TOGARAM2: variants seen among roughly 807,000 people sequenced by gnomAD.
TOGARAM2 encodes TOG array regulator of axonemal microtubules protein 2.
In TOGARAM2, 85 loss-of-function variants were observed where a neutral mutation model predicts 93.3. The ratio of observed to expected loss-of-function variants is 0.91; its 90% CI spans 0.76 to 1.09. The LOEUF is 1.09. TOGARAM2 is among the 50% of genes least tolerant of loss of function. TOGARAM2 has a pLI of 0.00. For missense variants in TOGARAM2, 1,277 were observed against 1,334.5 expected (o/e 0.96, Z 0.67); for synonymous variants, 593 against 552.8 (o/e 1.07, Z -1.02).
At chr2:29,006,494 AGT>A in intron 6 of TOGARAM2, among the ~76,000 whole-genome samples, 1 of 151,446 alleles carries the variant, frequency 6.6e-6, no homozygotes, top group South Asian at 2.1e-4. Flanking sequence ...ATGTGTGTGG[AGT>A]GTGTGTGCGT....
At chr2:29,042,798 G>A (rs1666513797) in intron 18 of TOGARAM2, among the ~76,000 whole-genome samples, 1 of 152,182 alleles carries the variant, frequency 6.6e-6, no homozygotes, top group African/African-American at 2.4e-5. Flanking sequence ...TCTCTCTCTG[G>A]GCACACACAA....
rs769705930 is a variant in TOGARAM2 at position 29,036,524 on chromosome 2, TTC to T, written c.2419-15_2419-14del. 6.2e-7 allele frequency: 1 copy of T among 1,613,432 alleles called. No homozygotes were observed. Among genetic ancestry groups the T allele is most frequent in the Non-Finnish European group, 8.5e-7 (1 of 1,179,590 alleles). ...GCCTGGGTTCCCATGGGCTCTTGGTTTCTGTTTCTTCAATAGGTCTTTGATGC... is the reference window on the plus strand; with the variant it reads ...GCCTGGGTTCCCATGGGCTCTTGGTTTGTTTCTTCAATAGGTCTTTGATGC... On this transcript the variant is annotated splice_polypyrimidine_tract_variant and intron_variant, in intron 17 of 19. Transcript: ENST00000379558.
At chr2:28,963,711 A>G (rs1019480988) in intron 1 of TOGARAM2, among the ~76,000 whole-genome samples, 2 of 152,188 alleles carry the variant, frequency 1.3e-5, no homozygotes, top group Admixed American at 1.3e-4. Flanking sequence ...ATGTACTTGA[A>G]AAGAATGTGT....
Position 29,014,386 on chromosome 2 carries a change from AC to A in TOGARAM2, c.878-5del. 1 of 1,609,104 alleles carries A rather than the reference AC, an allele frequency of 6.2e-7. No homozygotes were observed. The highest frequency in any genetic ancestry group is 2.2e-5 in the East Asian group (1 of 44,714). On this transcript the variant is annotated splice_region_variant and splice_polypyrimidine_tract_variant and intron_variant, in intron 7 of 19. Coordinates refer to ENST00000379558, the MANE Select transcript of TOGARAM2 (RefSeq NM_199280.4). ...GTCTTCAGCTCCACCCCTGTTCTCA[AC>A]CCCTCAGAGCCAAAACCTTTGGCCT...
intron 1 of TOGARAM2, among the ~76,000 whole-genome samples, chr2:28,964,275 C>A (rs920261808): frequency 5.3e-5 from 8 of 152,052 alleles, no homozygotes; most frequent in Non-Finnish European, 1.2e-4. Flanking sequence ...GATGAATTGA[C>A]CCTTTTGACA....
chr2:28,974,786 G>GTAT (rs201706650), intron 1 of TOGARAM2, among the ~76,000 whole-genome samples: 45 of 145,150 alleles, frequency 3.1e-4, no homozygotes, highest in African/African-American at 7.8e-4. Flanking sequence ...GCTAATTTTT[G>GTAT]TATTATTATT....
upstream of TOGARAM2, among the ~76,000 whole-genome samples, chr2:28,977,267 C>G (rs1036445302): frequency 6.6e-6 from 1 of 152,202 alleles, no homozygotes; most frequent in African/African-American, 2.4e-5. Flanking sequence ...CCTATGCTAA[C>G]CATCTTTAGC....
chr2:29,045,859 A>T (rs1297843313), intron 19 of TOGARAM2: 1 of 254,148 alleles, frequency 3.9e-6, no homozygotes, highest in East Asian at 1.2e-4. Flanking sequence ...TAGATAAGGG[A>T]CACTCAACCT....
rs751999952 is a variant in TOGARAM2 at position 29,011,467 on chromosome 2, G to A, written c.843G>A (p.Gly281=). 8.7e-6 allele frequency: 14 copies of A among 1,609,146 alleles called. 1 individual carries two copies. The highest frequency in any genetic ancestry group is 7.7e-5 in the South Asian group (7 of 90,382). The change falls in exon 7 of 20, where the codon GGG becomes GGA. Residue 281 remains glycine (G), a synonymous_variant. Coordinates refer to ENST00000379558, the MANE Select transcript of TOGARAM2 (RefSeq NM_199280.4). ...CCGTTCTTTTAAGATTGGCTCGGGG[G>A]AGTGGGCCTCGGGAGAAGACCCCTG... ...LRAPRTRLAR[G]SGPREKTPAS...
At chr2:29,017,452 G>A (rs1186273762) in intron 9 of TOGARAM2, 148 bp downstream of exon 9, 5 of 869,818 alleles carry the variant, frequency 5.7e-6, no homozygotes, top group African/African-American at 1.7e-5. Context: ...TGTGGCCCAG[G>A]CTAAAGGGCA....
At chr2:28,982,717 C>G (rs984867724) in intron 1 of TOGARAM2, among the ~76,000 whole-genome samples, 1 of 152,220 alleles carries the variant, frequency 6.6e-6, no homozygotes, top group African/African-American at 2.4e-5. Context: ...GCACCAGACT[C>G]TGCTCACTAG....
intron 18 of TOGARAM2, among the ~76,000 whole-genome samples, chr2:29,039,706 G>A (rs1430332708): frequency 1.3e-5 from 2 of 152,186 alleles, no homozygotes; most frequent in Non-Finnish European, 2.9e-5. Flanking sequence ...TGCCAGCCTT[G>A]AGGCCTCTCT....
At chr2:28,994,930 C>A in intron 2 of TOGARAM2, 68 bp downstream of exon 2, 2 of 1,530,490 alleles carry the variant, frequency 1.3e-6, no homozygotes, top group South Asian at 1.2e-5. Context: ...CGGACACTCC[C>A]AAGGGCCAGA....
chr2:29,045,790 A>G (rs1572794721), intron 19 of TOGARAM2: 1 of 271,616 alleles, frequency 3.7e-6, no homozygotes, highest in East Asian at 1.1e-4. Context: ...CAGAACTGGT[A>G]TCATGAAAAT....
chr2:29,044,193 C>T (rs890168648), intron 18 of TOGARAM2, among the ~76,000 whole-genome samples: 10 of 152,112 alleles, frequency 6.6e-5, no homozygotes, highest in African/African-American at 9.7e-5. Flanking sequence ...GGATTGGGGG[C>T]GGGCACACTG....
At chr2:28,990,731 G>T (rs543202324) in intron 1 of TOGARAM2, among the ~76,000 whole-genome samples, 1 of 152,030 alleles carries the variant, frequency 6.6e-6, no homozygotes, top group Admixed American at 6.6e-5. Flanking sequence ...TTGTCCTGTC[G>T]GGCGTGACAG....
intron 1 of TOGARAM2, among the ~76,000 whole-genome samples, chr2:28,966,317 G>T (rs1395258135): frequency 2.6e-5 from 4 of 151,770 alleles, no homozygotes; most frequent in Non-Finnish European, 5.9e-5. Context: ...ATTTATTTTT[G>T]AGATGGAGTC....
chr2:29,022,137 G>C (rs1664992912), intron 10 of TOGARAM2, 21 bp from the exon 11 acceptor site: 3 of 1,613,880 alleles, frequency 1.9e-6, no homozygotes, highest in African/African-American at 1.3e-5. Context: ...GAAGCCTGCT[G>C]TTTCTTTCTT....
chr2:29,029,754 T>A (rs1379625820), intron 14 of TOGARAM2, among the ~76,000 whole-genome samples: 11 of 127,120 alleles, frequency 8.7e-5, no homozygotes, highest in African/African-American at 2.1e-4. Flanking sequence ...AGGCTCTGTC[T>A]AAAAAAAAAA....
Sources: gnomAD v4.1 joint callset for allele counts (sites outside exome capture counted in the v4.1 genomes callset) on GRCh38, gnomAD v4.1.1 for gene constraint, MANE v1.5 for transcripts, NCBI Gene and HGNC (gene_info 2026-07-23, HGNC 2026-07-21) for gene names.